GPC6: variants seen among roughly 807,000 people sequenced by gnomAD.
GPC6 encodes glypican 6, also known as glypican-6.
GPC6 carries 14 observed loss-of-function variants against 55.2 expected under a neutral mutation model. The observed-to-expected ratio is 0.25, with a 90% CI of 0.17 to 0.40. The LOEUF (loss-of-function observed/expected upper bound fraction) is 0.40, where lower values mean the gene tolerates loss of function less well. GPC6 is among the 10% of genes least tolerant of loss of function. The probability of loss-of-function intolerance (pLI) is 1.00; values close to 1 mark genes in which losing one functional copy is unlikely to be tolerated. For synonymous variants in GPC6, 278 were observed against 259.6 expected (o/e 1.07, Z -0.68); for missense variants, 641 against 708.5 (o/e 0.90, Z 1.08).
chr13:94,271,382 GCACACACACACA>G (rs60762188), intron 4 of GPC6, among the ~76,000 whole-genome samples: 1 of 126,684 alleles, frequency 7.9e-6, no homozygotes, highest in Non-Finnish European at 1.7e-5. Context: ...GCGCGCGCGC[GCACACACACACA>G]CACACACACA....
intron 1 of GPC6, among the ~76,000 whole-genome samples, chr13:93,233,079 A>G (rs927062480): frequency 1.3e-5 from 2 of 152,124 alleles, no homozygotes; most frequent in South Asian, 2.1e-4. Flanking sequence ...AAATTCTGCT[A>G]TGTTAAATTC....
At chr13:93,983,001 T>G (rs1880873477) in intron 3 of GPC6, among the ~76,000 whole-genome samples, 1 of 152,182 alleles carries the variant, frequency 6.6e-6, no homozygotes, top group Admixed American at 6.6e-5. Flanking sequence ...CAAATGTACA[T>G]TCTAGTCTGG....
intron 1 of GPC6, among the ~76,000 whole-genome samples, chr13:93,523,433 G>A (rs1026936565): frequency 7.3e-6 from 1 of 137,662 alleles, no homozygotes; most frequent in Non-Finnish European, 1.6e-5. Flanking sequence ...GTTGGTGTAT[G>A]ACATTTTACA....
chr13:93,960,279 T>C (rs1284777174), intron 3 of GPC6, among the ~76,000 whole-genome samples: 1 of 152,230 alleles, frequency 6.6e-6, no homozygotes, highest in Non-Finnish European at 1.5e-5. Flanking sequence ...ACTTAATTAC[T>C]GATTTGAGCA....
chr13:93,579,661 A>G (rs1876842887), intron 2 of GPC6, among the ~76,000 whole-genome samples: 1 of 152,176 alleles, frequency 6.6e-6, no homozygotes, highest in Non-Finnish European at 1.5e-5. Flanking sequence ...TTTGGGAGGG[A>G]TAGATGAGAA....
chr13:93,665,973 C>T (rs1362408540), intron 2 of GPC6, among the ~76,000 whole-genome samples: 1 of 152,150 alleles, frequency 6.6e-6, no homozygotes, highest in Non-Finnish European at 1.5e-5. Flanking sequence ...TCAGGCTCTC[C>T]TTTAACAATT....
chr13:93,614,862 C>G (rs998636148), intron 2 of GPC6, among the ~76,000 whole-genome samples: 7 of 151,926 alleles, frequency 4.6e-5, no homozygotes, highest in Non-Finnish European at 8.8e-5. Context: ...GAATCTTGTC[C>G]TATTTGTTTT....
intron 3 of GPC6, among the ~76,000 whole-genome samples, chr13:93,897,343 T>G (rs1208914144): frequency 6.6e-6 from 1 of 152,106 alleles, no homozygotes; most frequent in Admixed American, 6.6e-5. Flanking sequence ...GTGTCAAATT[T>G]TTTTTAATCA....
intron 4 of GPC6, among the ~76,000 whole-genome samples, chr13:94,253,773 A>G (rs1891426877): frequency 6.6e-6 from 1 of 152,112 alleles, no homozygotes; most frequent in Admixed American, 6.6e-5. Context: ...TGGCAAAATG[A>G]TATCTTACTC....
intron 4 of GPC6, among the ~76,000 whole-genome samples, chr13:94,079,969 T>G (rs989545370): frequency 6.6e-6 from 1 of 152,206 alleles, no homozygotes; most frequent in Non-Finnish European, 1.5e-5. Flanking sequence ...GAGCACAATG[T>G]CCTGATGGTT....
intron 4 of GPC6, among the ~76,000 whole-genome samples, chr13:94,242,392 GAGT>G (rs973144725): frequency 6.6e-6 from 1 of 152,006 alleles, no homozygotes; most frequent in Non-Finnish European, 1.5e-5. Context: ...TCCCAGTACT[GAGT>G]ATATACCCAA....
chr13:93,506,449 C>T (rs770057346), intron 1 of GPC6, among the ~76,000 whole-genome samples: 17 of 152,066 alleles, frequency 1.1e-4, no homozygotes, highest in South Asian at 2.1e-4. Context: ...CTAGCATGTC[C>T]GGAAGTCAAA....
chr13:93,488,273 T>A (rs891026834), intron 1 of GPC6, among the ~76,000 whole-genome samples: 2 of 152,208 alleles, frequency 1.3e-5, no homozygotes, highest in African/African-American at 4.8e-5. Context: ...TCCAGCTTCA[T>A]CCATGTCCCT....
At chr13:94,070,554 A>G (rs147893091) in intron 4 of GPC6, among the ~76,000 whole-genome samples, 1 of 152,340 alleles carries the variant, frequency 6.6e-6, no homozygotes, top group East Asian at 1.9e-4. Context: ...GTGAGGTACC[A>G]TGGAAGCATT....
chr13:93,418,481 G>C (rs114937889), intron 1 of GPC6, among the ~76,000 whole-genome samples: 2,990 of 149,890 alleles, frequency 0.02, 118 homozygotes, highest in African/African-American at 0.069. Context: ...ATTAATAGCA[G>C]TATGCTGTAG....
chr13:93,484,471 C>A (rs12856019), intron 1 of GPC6, among the ~76,000 whole-genome samples: 38,754 of 151,928 alleles, frequency 0.26, 5,251 homozygotes, highest in East Asian at 0.37. Flanking sequence ...ATGCTGTGAA[C>A]CTCTTTTGGG....
At chr13:94,003,270 G>T (rs1881883854) in intron 3 of GPC6, among the ~76,000 whole-genome samples, 1 of 152,160 alleles carries the variant, frequency 6.6e-6, no homozygotes, top group Admixed American at 6.5e-5. Context: ...TGAACTGTTT[G>T]TGTAAAAATT....
rs114776905 is a variant in GPC6, at chr13:93,877,978, T to C, written c.711+47433T>C. Among the ~76,000 whole-genome samples, 707 of 152,164 alleles carry C rather than the reference T, an allele frequency of 4.6e-3. 8 individuals are homozygous for C. Among genetic ancestry groups the C allele is most frequent in the African/African-American group, 0.016 (678 of 41,544 alleles). On this transcript the variant is annotated intron_variant, in intron 3 of 8. Transcript: ENST00000377047. ...GTCAGAGGGAACATTGTAAATTTGG[T>C]TTGAAAAGCAGTACATTTTAAAGTT... is the stretch of plus-strand genomic sequence containing the variant.
At chr13:93,965,705 T>C (rs972498390) in intron 3 of GPC6, among the ~76,000 whole-genome samples, 2 of 152,060 alleles carry the variant, frequency 1.3e-5, no homozygotes, top group African/African-American at 4.8e-5. Context: ...CTGCCAGATA[T>C]GTGTAGACAG....
Sources: allele counts gnomAD v4.1 joint callset (sites outside exome capture counted in the v4.1 genomes callset), GRCh38; gene constraint gnomAD v4.1.1; transcripts MANE v1.5; gene names NCBI Gene and HGNC (gene_info 2026-07-23, HGNC 2026-07-21).